The following THOC2 variants were observed in gnomAD, a reference collection of about 807,000 sequenced individuals.
THOC2 encodes THO complex 2.
In THOC2, 10 loss-of-function variants were observed where a neutral mutation model predicts 128.4. That is an observed-to-expected ratio of 0.08 (90% CI 0.05 to 0.13). The LOEUF is 0.13. THOC2 is among the 10% of genes least tolerant of loss of function. The probability of loss-of-function intolerance (pLI) is 1.00; values close to 1 mark genes in which losing one functional copy is unlikely to be tolerated. For synonymous variants in THOC2, 393 were observed against 396.9 expected, an observed-to-expected ratio of 0.99 and a Z score of 0.12; for missense variants, 535 against 1,155.7, an observed-to-expected ratio of 0.46 and a Z score of 7.79.
At chrX:123,639,433 T>G (rs959882977) in intron 16 of THOC2, among the ~76,000 whole-genome samples, 1 of 111,999 alleles carries the variant, frequency 8.9e-6, no homozygotes, top group African/African-American at 3.2e-5. Flanking sequence ...CTTTCAACAG[T>G]GTTTTATAGT....
intron 22 of THOC2, among the ~76,000 whole-genome samples, chrX:123,629,680 A>C (rs893575940): frequency 4.5e-5 from 5 of 111,793 alleles, no homozygotes; most frequent in Non-Finnish European, 9.4e-5. Flanking sequence ...AAAGAACATT[A>C]GTTACGAAAA....
intron 1 of THOC2, among the ~76,000 whole-genome samples, chrX:123,725,583 G>A (rs891416306): frequency 4.0e-5 from 4 of 99,247 alleles, no homozygotes; most frequent in African/African-American, 7.6e-5. Flanking sequence ...ACTCCAGCCT[G>A]GGCAGCCTGG....
intron 8 of THOC2, among the ~76,000 whole-genome samples, chrX:123,681,119 G>A (rs2049759346): frequency 9.0e-6 from 1 of 111,648 alleles, no homozygotes; most frequent in African/African-American, 3.3e-5. Flanking sequence ...AGTAGGAACC[G>A]TATTTCAAGG....
At chrX:123,719,959 G>C (rs1329382081) in intron 1 of THOC2, among the ~76,000 whole-genome samples, 1 of 109,235 alleles carries the variant, frequency 9.2e-6, no homozygotes, top group African/African-American at 3.3e-5. Flanking sequence ...ATAAGCCTGG[G>C]TAACAAAGAG....
intron 7 of THOC2, among the ~76,000 whole-genome samples, chrX:123,691,027 C>T (rs1215138248): frequency 3.6e-5 from 4 of 111,460 alleles, no homozygotes; most frequent in African/African-American, 1.3e-4. Context: ...GCCAGGGCAA[C>T]ATGGCAAAAC....
chrX:123,638,171 C>A, intron 17 of THOC2, 48 bp from the exon 18 acceptor site: 2 of 868,791 alleles, frequency 2.3e-6, no homozygotes, highest in Non-Finnish European at 3.3e-6. Flanking sequence ...CTAATAAAGA[C>A]CCTTAAAACA....
At chrX:123,692,924 G>A (rs1205154246) in intron 7 of THOC2, among the ~76,000 whole-genome samples, 1 of 111,715 alleles carries the variant, frequency 9.0e-6, no homozygotes, top group African/African-American at 3.3e-5. Context: ...TCTGACACTG[G>A]CTGATGAAGG....
At chrX:123,668,357 A>G in intron 9 of THOC2, 43 bp from the exon 10 acceptor site, 1 of 929,076 alleles carries the variant, frequency 1.1e-6, no homozygotes, top group Non-Finnish European at 1.5e-6. Context: ...GCTAATACCA[A>G]CTACTTGTTC....
intron 9 of THOC2, among the ~76,000 whole-genome samples, chrX:123,669,700 T>C (rs1420670735): frequency 8.9e-6 from 1 of 111,999 alleles, no homozygotes; most frequent in Non-Finnish European, 1.9e-5. Context: ...AACTTTTATT[T>C]CTGTGTATTT....
At chrX:123,692,324 C>T (rs2050255398) in intron 7 of THOC2, among the ~76,000 whole-genome samples, 1 of 111,195 alleles carries the variant, frequency 9.0e-6, no homozygotes, top group Non-Finnish European at 1.9e-5. Flanking sequence ...CTACTGTTCA[C>T]TATTCATTCG....
intron 33 of THOC2, among the ~76,000 whole-genome samples, chrX:123,618,236 G>A (rs1272210776): frequency 9.0e-6 from 1 of 111,305 alleles, no homozygotes; most frequent in Non-Finnish European, 1.9e-5. Flanking sequence ...CTTCAATAGC[G>A]TATTACAGAA....
At chrX:123,678,962 T>G (rs1432056767) in intron 8 of THOC2, among the ~76,000 whole-genome samples, 1 of 111,204 alleles carries the variant, frequency 9.0e-6, no homozygotes, top group Non-Finnish European at 1.9e-5. Flanking sequence ...TCCTCCTATA[T>G]CAAGTTAATC....
chrX:123,624,336 A>C, intron 26 of THOC2, 145 bp from the exon 27 acceptor site: 1 of 715,931 alleles, frequency 1.4e-6, no homozygotes, highest in Non-Finnish European at 2.0e-6. Context: ...TTCAACTTAT[A>C]CAAAGATACT....
chrX:123,633,535 T>A (rs1321672874), intron 20 of THOC2, among the ~76,000 whole-genome samples: 1 of 111,449 alleles, frequency 9.0e-6, no homozygotes, highest in Admixed American at 9.6e-5. Flanking sequence ...CCCAAGTAGC[T>A]GGGATTACAG....
chrX:123,665,990 T>C (rs750224455), intron 11 of THOC2, among the ~76,000 whole-genome samples, 153 bp from the exon 12 acceptor site: 4 of 112,027 alleles, frequency 3.6e-5, no homozygotes, highest in South Asian at 3.7e-4. Context: ...TACATTTCAA[T>C]TGTGCCTAAC....
intron 3 of THOC2, among the ~76,000 whole-genome samples, chrX:123,704,979 C>T (rs1411989047): frequency 1.8e-5 from 2 of 112,227 alleles, no homozygotes; most frequent in African/African-American, 6.5e-5. Context: ...GGCTATTTTC[C>T]ATTAGAAGGG....
chrX:123,661,503 G>A (rs1303383800), intron 12 of THOC2, among the ~76,000 whole-genome samples: 1 of 111,061 alleles, frequency 9.0e-6, no homozygotes, highest in African/African-American at 3.3e-5. Context: ...GAGGCTGGGG[G>A]TGAGGGGGAA....
chrX:123,667,096 A>G lies in THOC2; in HGVS notation c.1190+10T>C. 2.6e-6 allele frequency: 3 copies of G among 1,142,391 alleles called. No homozygotes were observed. The highest frequency in any genetic ancestry group is 2.5e-4 in the Middle Eastern group (1 of 4,045). The allele number at this position is 1,142,391 out of a possible 1,213,427, so 94.1% of individuals were successfully genotyped here. A position where few individuals can be genotyped will look rare whatever the true frequency, so the allele number is the denominator to read the frequency against. On this transcript the variant is annotated intron_variant, in intron 11 of 38. Coordinates refer to ENST00000245838, the MANE Select transcript of THOC2 (RefSeq NM_001081550.2). ...TACCTCAATGATTAATAAAGTATAA[A>G]GTTACATACCTTCGGTAGAGAGGCT...
In THOC2 at chrX:123,621,407, C is replaced by T. The variant is rs767192785; in HGVS notation, c.3966G>A (p.Pro1322=). 1.9e-5 allele frequency: 23 copies of T among 1,208,787 alleles called. No homozygotes were observed. The highest frequency in any genetic ancestry group is 2.3e-4 in the Middle Eastern group (1 of 4,372). The change falls in exon 31 of 39, where the codon CCG becomes CCA. Residue 1322 remains proline (P), a synonymous_variant. Coordinates refer to ENST00000245838, the MANE Select transcript of THOC2 (RefSeq NM_001081550.2). ...EKARETKERT[P]KSDKEKEKFK... Reference sequence around the variant, plus strand: ...ATTTTTCTTTCTCTTTGTCAGACTTCGGCGTTCTTTCCTTGGTCTCTCTTG... The same window carrying T: ...ATTTTTCTTTCTCTTTGTCAGACTTTGGCGTTCTTTCCTTGGTCTCTCTTG...
Sources: gnomAD v4.1 joint callset for allele counts (sites outside exome capture counted in the v4.1 genomes callset) on GRCh38, gnomAD v4.1.1 for gene constraint, MANE v1.5 for transcripts, NCBI Gene and HGNC (gene_info 2026-07-23, HGNC 2026-07-21) for gene names.